Variants in PCDHA2 observed in about 807,000 individuals in gnomAD.
PCDHA2 encodes protocadherin alpha-2.
Under a neutral mutation model 66.0 loss-of-function variants are expected in PCDHA2, and 58 were observed. That is an observed-to-expected ratio of 0.88 (90% CI 0.71 to 1.09). The LOEUF (loss-of-function observed/expected upper bound fraction) is 1.09. Among genes scored for constraint, PCDHA2 ranks in the 50% least tolerant of loss-of-function variants. PCDHA2 has a pLI of 0.00. For synonymous variants in PCDHA2, 634 were observed against 554.0 expected (o/e 1.14, Z -2.03); for missense variants, 1,267 against 1,242.3 (o/e 1.02, Z -0.30).
In PCDHA2 at chr5:140,982,474, G is replaced by C. The variant is rs2096985354; in HGVS notation, c.2448-1G>C. On this transcript the variant is annotated splice_acceptor_variant, in intron 2 of 3. Coordinates refer to ENST00000526136, the MANE Select transcript of PCDHA2 (RefSeq NM_018905.3). LOFTEE classifies it high-confidence loss of function. ...TTATCTGGGTCTGTGTGTTTATTCA[G>C]CTCTGTGCACCTAGAGGAGGCTGGC... 3 of 1,614,164 alleles carry C rather than the reference G, an allele frequency of 1.9e-6. No individual in the cohort carries two copies. The highest frequency in any genetic ancestry group is 2.5e-6 in the Non-Finnish European group (3 of 1,180,024).
At chr5:140,820,794 G>T (rs1310374282) in intron 1 of PCDHA2, among the ~76,000 whole-genome samples, 2 of 151,976 alleles carry the variant, frequency 1.3e-5, no homozygotes, top group Admixed American at 6.5e-5. Flanking sequence ...AAGTACAAAG[G>T]TATGTATTTT....
At chr5:140,834,741 G>A (rs1773242914) in intron 1 of PCDHA2, 7 of 1,614,122 alleles carry the variant, frequency 4.3e-6, no homozygotes. Context: ...TTTCCATGTG[G>A]ACGTGGAGGT....
chr5:140,815,310 T>C (rs1765694011), intron 1 of PCDHA2: 1 of 152,170 alleles, frequency 6.6e-6, no homozygotes, highest in South Asian at 2.1e-4. Context: ...TTGAGAATTG[T>C]AATGCTATGT....
chr5:140,797,381 C>T (rs1440147726), intron 1 of PCDHA2, 29 bp downstream of exon 1: 2 of 1,594,948 alleles, frequency 1.3e-6, no homozygotes, highest in Admixed American at 1.7e-5. Context: ...CTTGCCAATT[C>T]TAAAATTGTT....
At chr5:140,877,958 C>A in intron 1 of PCDHA2, 1 of 1,319,110 alleles carries the variant, frequency 7.6e-7, no homozygotes, top group Non-Finnish European at 1.0e-6. Flanking sequence ...AATGTCTCAT[C>A]TTTCTTGGTC....
chr5:140,823,408 G>A lies in PCDHA2; in HGVS notation c.2388+26056G>A, dbSNP rs143450009. On this transcript the variant is annotated intron_variant, in intron 1 of 3. Coordinates refer to ENST00000526136, the MANE Select transcript of PCDHA2 (RefSeq NM_018905.3). ...GCGCGACGCGGGCGTGCCGCCTCTGGGCAGCAACGTGACGCTGCAGGTGTT... is the reference window on the plus strand; with the variant it reads ...GCGCGACGCGGGCGTGCCGCCTCTGAGCAGCAACGTGACGCTGCAGGTGTT... 1.1e-4 allele frequency: 171 copies of A among 1,613,150 alleles called. No homozygotes were observed. The African/African-American group carries it at 1.9e-3, about 18-fold the overall frequency.
chr5:140,926,533 A>G (rs957359754), intron 1 of PCDHA2: 23 of 211,100 alleles, frequency 1.1e-4, no homozygotes, highest in East Asian at 3.3e-4. Context: ...GCCCGCAGCC[A>G]GCGTGGTGGT....
intron 1 of PCDHA2, chr5:140,823,102 G>A: frequency 1.2e-6 from 2 of 1,614,066 alleles, no homozygotes; most frequent in Non-Finnish European, 1.7e-6. Flanking sequence ...CGTGTCTGTG[G>A]AAGTGGCCGA....
chr5:140,996,705 CTT>C (rs1222604793), intron 3 of PCDHA2, among the ~76,000 whole-genome samples: 3 of 152,108 alleles, frequency 2.0e-5, no homozygotes, highest in African/African-American at 7.2e-5. Flanking sequence ...ACCTCTATCT[CTT>C]TGATTTAATT....
intron 1 of PCDHA2, chr5:140,843,920 A>G (rs1365256690): frequency 1.6e-6 from 1 of 607,552 alleles, no homozygotes; most frequent in Non-Finnish European, 2.8e-6. Context: ...GTCTATCTTG[A>G]AACTCAAGTT....
chr5:140,899,197 A>G (rs1300452676), intron 1 of PCDHA2, among the ~76,000 whole-genome samples: 2 of 152,018 alleles, frequency 1.3e-5, no homozygotes, highest in Admixed American at 6.6e-5. Context: ...TCTCCTGCCT[A>G]ATTGCCCTGG....
chr5:140,943,525 T>C (rs891940980), intron 1 of PCDHA2, among the ~76,000 whole-genome samples: 7 of 152,148 alleles, frequency 4.6e-5, no homozygotes, highest in African/African-American at 7.2e-5. Flanking sequence ...GAGTTCAGTA[T>C]GCAAAATGTC....
At chr5:140,827,639 AT>A (rs1358782495) in intron 1 of PCDHA2, among the ~76,000 whole-genome samples, 1 of 152,236 alleles carries the variant, frequency 6.6e-6, no homozygotes, top group Non-Finnish European at 1.5e-5. Context: ...AATAGTTTAC[AT>A]TTCTGATTTA....
In PCDHA2 at chr5:140,796,651, C is replaced by G; in HGVS notation, c.1687C>G (p.Pro563Ala). Reference protein sequence around the residue: ...VFVLDENDNAPALLAPRAGTA... With the variant: ...VFVLDENDNAAALLAPRAGTA... ...CGTGCTGGACGAGAACGACAACGCG[C>G]CGGCACTGTTGGCGCCTAGGGCTGG... The change falls in exon 1 of 4, where the codon CCG (proline) becomes GCG (alanine). Residue 563 changes from proline to alanine, a missense_variant. Coordinates refer to ENST00000526136, the MANE Select transcript of PCDHA2 (RefSeq NM_018905.3). The G allele has an allele frequency of 6.2e-7, 1 of 1,613,860 alleles. No individual in the cohort carries two copies. Among genetic ancestry groups the G allele is most frequent in the Non-Finnish European group, 8.5e-7 (1 of 1,179,882 alleles).
chr5:140,917,154 T>C (rs1415714785), intron 1 of PCDHA2, among the ~76,000 whole-genome samples: 2 of 152,112 alleles, frequency 1.3e-5, no homozygotes, highest in East Asian at 1.9e-4. Flanking sequence ...TGCTGGGGGA[T>C]ATGGGAGGGG....
At chr5:140,924,588 T>C (rs2081910916) in intron 1 of PCDHA2, among the ~76,000 whole-genome samples, 1 of 152,212 alleles carries the variant, frequency 6.6e-6, no homozygotes, top group East Asian at 1.9e-4. Context: ...TCAAATATTA[T>C]AGAAATATGC....
At chr5:140,898,573 T>C (rs1161265188) in intron 1 of PCDHA2, among the ~76,000 whole-genome samples, 3 of 152,250 alleles carry the variant, frequency 2.0e-5, no homozygotes, top group Non-Finnish European at 4.4e-5. Flanking sequence ...ACCAGTGCCA[T>C]GCTGTTTTGG....
At position 140,809,647 on chromosome 5, in the gene PCDHA2, A is replaced by G. The variant is rs1764517307; in HGVS notation, c.2388+12295A>G. The G allele has an allele frequency of 2.0e-6, 3 of 1,500,206 alleles. No individual in the cohort carries two copies. In the Admixed American group the frequency reaches 6.9e-5, roughly 34 times the overall value. 92.9% of individuals were successfully genotyped at this position (1,500,206 alleles called of 1,614,324 possible). Reference sequence around the variant, plus strand: ...CAACTTCTTCGTAAATTTATTTCTAAGAGTCAAATTTCCCTGGGTTAAAAT... The same window carrying G: ...CAACTTCTTCGTAAATTTATTTCTAGGAGTCAAATTTCCCTGGGTTAAAAT... On this transcript the variant is annotated intron_variant, in intron 1 of 3. Coordinates refer to ENST00000526136, the MANE Select transcript of PCDHA2 (RefSeq NM_018905.3).
At chr5:140,828,503 CAA>C (rs2150156146) in intron 1 of PCDHA2, 9 of 1,614,120 alleles carry the variant, frequency 5.6e-6, no homozygotes, top group East Asian at 4.5e-5. Flanking sequence ...GGTAGAGGAA[CAA>C]AGAGTGCTGA....
Sources: allele counts gnomAD v4.1 joint callset (sites outside exome capture counted in the v4.1 genomes callset), GRCh38; gene constraint gnomAD v4.1.1; transcripts MANE v1.5; gene names NCBI Gene and HGNC (gene_info 2026-07-23, HGNC 2026-07-21).